Variants in UNG observed in about 807,000 individuals in gnomAD.
UNG encodes uracil DNA glycosylase, also known as uracil-DNA glycosylase.
Under a neutral mutation model 36.5 loss-of-function variants are expected in UNG, and 34 were observed. That is an observed-to-expected ratio of 0.93 (90% CI 0.71 to 1.24). The LOEUF is 1.24. Among genes scored for constraint, UNG ranks in the 50% most tolerant of loss-of-function variants. The pLI is 0.00. For missense variants in UNG, 391 were observed against 397.6 expected (o/e 0.98, Z 0.14); for synonymous variants, 172 against 157.8 (o/e 1.09, Z -0.67).
intron 6 of UNG, among the ~76,000 whole-genome samples, chr12:109,104,716 C>T (rs776932714): frequency 1.4e-4 from 21 of 151,626 alleles, no homozygotes; most frequent in Admixed American, 3.3e-4. Flanking sequence ...GGGAAGGAGA[C>T]GAGCCAGGGG....
At position 109,103,492 on chromosome 12, in the gene UNG, G is replaced by T; in HGVS notation, c.682G>T (p.Glu228Ter). 6.2e-7 allele frequency: 1 copy of T among 1,614,182 alleles called. No homozygotes were observed. The highest frequency in any genetic ancestry group is 1.1e-5 in the South Asian group (1 of 91,076). Residue 228 changes from glutamate (E) to a stop codon, truncating the protein, a stop_gained, in exon 6 of 7, where the codon GAG (glutamate) becomes TAG (stop). Transcript: ENST00000242576. LOFTEE classifies it high-confidence loss of function. ...VRAHQANSHK[E>*]RGWEQFTDAV... is the part of the protein sequence containing the mutation. ...TGCCCATCAAGCCAACTCTCATAAG[G>T]AGCGAGGCTGGGAGCAGTTCACTGA... is the stretch of plus-strand genomic sequence containing the variant.
Position 109,103,450 on chromosome 12 carries a change from G to T in UNG, c.640G>T (p.Ala214Ser). ...GTGTATAGGTGTTCTCCTTCTCAACGCTGTCCTCACGGTTCGTGCCCATCA... is the reference window on the plus strand; with the variant it reads ...GTGTATAGGTGTTCTCCTTCTCAACTCTGTCCTCACGGTTCGTGCCCATCA... ...WAKQGVLLLN[A>S]VLTVRAHQAN... is the part of the protein sequence containing the mutation. The change falls in exon 6 of 7, where the codon GCT becomes TCT. Residue 214 changes from alanine to serine, a missense_variant. Coordinates refer to ENST00000242576, the MANE Select transcript of UNG (RefSeq NM_080911.3). The T allele has an allele frequency of 6.2e-7, 1 of 1,614,078 alleles. No individual in the cohort carries two copies. The highest frequency in any genetic ancestry group is 8.5e-7 in the Non-Finnish European group (1 of 1,179,998).
intron 1 of UNG, 176 bp from the exon 2 acceptor site, chr12:109,098,256 A>C (rs1307591199): frequency 1.6e-5 from 25 of 1,515,986 alleles, no homozygotes; most frequent in Non-Finnish European, 2.2e-5. Flanking sequence ...TTTAGAACCT[A>C]ATTCCCAATT....
chr12:109,106,065 T>G (rs2042212951), intron 6 of UNG, among the ~76,000 whole-genome samples: 1 of 152,214 alleles, frequency 6.6e-6, no homozygotes. Context: ...GTCATTTTCT[T>G]CTGGGATTCT....
At chr12:109,107,518 CTTTTTT>C (rs34833015) in intron 6 of UNG, among the ~76,000 whole-genome samples, 4 of 89,436 alleles carry the variant, frequency 4.5e-5, no homozygotes, top group Admixed American at 1.3e-4. Flanking sequence ...GACTATTCCT[CTTTTTT>C]TTTTTTTTTT....
At position 109,098,470 on chromosome 12, in the gene UNG, G is replaced by A. The variant is rs1013317831; in HGVS notation, c.171G>A (p.Glu57=). ...PAKKAPAGQE[E]PGTPPSSPLS... is the part of the protein sequence containing the mutation. ...AGAAGGCCCCGGCTGGGCAGGAGGAGCCTGGGACGCCGCCCTCCTCGCCGC... is the reference window on the plus strand; with the variant it reads ...AGAAGGCCCCGGCTGGGCAGGAGGAACCTGGGACGCCGCCCTCCTCGCCGC... Residue 57 remains glutamate, a synonymous_variant, in exon 2 of 7, where the codon GAG becomes GAA. Transcript: ENST00000242576. The A allele has an allele frequency of 6.2e-7, 1 of 1,611,936 alleles. No homozygotes were observed.
In UNG at chr12:109,097,766, G is replaced by A. The variant is rs750472259; in HGVS notation, c.87G>A (p.Gln29=). 4.5e-6 allele frequency: 7 copies of A among 1,566,724 alleles called. No homozygotes were observed. The South Asian group carries it at 5.8e-5, about 13-fold the overall frequency. ...CCCCCAGCCCCGAGCCGGCCGTCCA[G>A]GGGACCGGCGTGGCTGGGGTGCCTG... ...RHAPSPEPAV[Q]GTGVAGVPEE... Residue 29 remains glutamine, a synonymous_variant, in exon 1 of 7, where the codon CAG becomes CAA. Transcript: ENST00000242576.
rs765329435 is a variant in UNG, at chr12:109,099,256, C to T, written c.407C>T (p.Thr136Ile). The T allele has an allele frequency of 3.7e-6, 6 of 1,613,972 alleles. No individual in the cohort carries two copies. In the South Asian group the frequency reaches 5.5e-5, roughly 15 times the overall value. The change falls in exon 3 of 7, where the codon ACC becomes ATC. Residue 136 changes from threonine (T) to isoleucine (I), a missense_variant. Physicochemically the swap from Thr to Ile is moderately conservative, Grantham distance 89. Coordinates refer to ENST00000242576, the MANE Select transcript of UNG (RefSeq NM_080911.3). ...TVYPPPHQVF[T>I]WTQMCDIKDV... is the part of the protein sequence containing the mutation. ...TATCCACCCCCACACCAAGTCTTCA[C>T]CTGGACCCAGATGTGTGACATAAAA...
intron 3 of UNG, among the ~76,000 whole-genome samples, chr12:109,100,066 C>T (rs979031144): frequency 6.8e-6 from 1 of 147,492 alleles, no homozygotes; most frequent in Non-Finnish European, 1.5e-5. Flanking sequence ...TGTCTCAAAA[C>T]AAAAAAAAAA....
rs1593318769 is a variant in UNG, at chr12:109,098,474, G to C, written c.175G>C (p.Gly59Arg). Reference sequence around the variant, plus strand: ...GGCCCCGGCTGGGCAGGAGGAGCCTGGGACGCCGCCCTCCTCGCCGCTGAG... The same window carrying C: ...GGCCCCGGCTGGGCAGGAGGAGCCTCGGACGCCGCCCTCCTCGCCGCTGAG... ...KKAPAGQEEP[G>R]TPPSSPLSAE... The change falls in exon 2 of 7, where the codon GGG becomes CGG. Residue 59 changes from glycine to arginine, a missense_variant. Transcript: ENST00000242576. 6.2e-7 allele frequency: 1 copy of C among 1,612,040 alleles called. No homozygotes were observed. Among genetic ancestry groups the C allele is most frequent in the Non-Finnish European group, 8.5e-7 (1 of 1,179,454 alleles).
intron 3 of UNG, among the ~76,000 whole-genome samples, chr12:109,101,354 T>C (rs2042175674): frequency 6.6e-6 from 1 of 151,754 alleles, no homozygotes; most frequent in Non-Finnish European, 1.5e-5. Flanking sequence ...CCTCCCAAAG[T>C]GCTGGGATTA....
At position 109,101,895 on chromosome 12, in the gene UNG, T is replaced by C. The variant is rs1451836941; in HGVS notation, c.436-7T>C. ...TTGTTTAATTCCTGACCCCTGGTGG[T>C]TCACAGGTGAAGGTTGTCATCCTGG... On this transcript the variant is annotated splice_region_variant and splice_polypyrimidine_tract_variant and intron_variant, in intron 3 of 6. Coordinates refer to ENST00000242576, the MANE Select transcript of UNG (RefSeq NM_080911.3). 2 of 1,613,244 alleles carry C rather than the reference T, an allele frequency of 1.2e-6. No homozygotes were observed. Among genetic ancestry groups the C allele is most frequent in the East Asian group, 2.2e-5 (1 of 44,868 alleles).
chr12:109,108,453 T>G (rs989853170), intron 6 of UNG, among the ~76,000 whole-genome samples: 1 of 152,068 alleles, frequency 6.6e-6, no homozygotes, highest in African/African-American at 2.4e-5. Flanking sequence ...GGCAACATAG[T>G]GAGACCTTGT....
chr12:109,102,947 ATTT>A lies in UNG; in HGVS notation c.622+40_622+42del, dbSNP rs386377711. 9,327 of 956,462 alleles carry A rather than the reference ATTT, an allele frequency of 9.8e-3. No individual in the cohort carries two copies. Among genetic ancestry groups the A allele is most frequent in the Middle Eastern group, 0.015 (46 of 3,064 alleles). 59.2% of individuals were successfully genotyped at this position (956,462 alleles called of 1,614,324 possible). A position where few individuals can be genotyped will look rare whatever the true frequency, so the allele number is the denominator to read the frequency against. On this transcript the variant is annotated intron_variant, in intron 5 of 6. Coordinates refer to ENST00000242576, the MANE Select transcript of UNG (RefSeq NM_080911.3). ...AGCAAGGTAAGCCAGCGACTGCTAGATTTTTTTTTTTTTTTTTTTTTTGAGACC... is the reference window on the plus strand; with the variant it reads ...AGCAAGGTAAGCCAGCGACTGCTAGATTTTTTTTTTTTTTTTTTTGAGACC...
chr12:109,108,605 C>T (rs376769453), intron 6 of UNG, among the ~76,000 whole-genome samples: 9 of 152,112 alleles, frequency 5.9e-5, no homozygotes, highest in African/African-American at 2.2e-4. Context: ...ACACTCTAGC[C>T]TGGGTGACAG....
At chr12:109,100,843 G>T (rs558646450) in intron 3 of UNG, among the ~76,000 whole-genome samples, 1 of 152,332 alleles carries the variant, frequency 6.6e-6, no homozygotes, top group African/African-American at 2.4e-5. Flanking sequence ...GAAAGATAGA[G>T]TATGTCAGCT....
Position 109,102,933 on chromosome 12 carries a change from C to A in UNG, c.622+6C>A. On this transcript the variant is annotated splice_donor_region_variant and intron_variant, in intron 5 of 6. Transcript: ENST00000242576. ...ATCTGGGTGGGCCAAGCAAGGTAAG[C>A]CAGCGACTGCTAGATTTTTTTTTTT... is the stretch of plus-strand genomic sequence containing the variant. 3.2e-6 allele frequency: 5 copies of A among 1,576,942 alleles called. No individual in the cohort carries two copies. Among genetic ancestry groups the A allele is most frequent in the Non-Finnish European group, 4.4e-6 (5 of 1,149,002 alleles).
chr12:109,106,140 G>T (rs879693512), intron 6 of UNG, among the ~76,000 whole-genome samples: 1 of 152,190 alleles, frequency 6.6e-6, no homozygotes, highest in Admixed American at 6.5e-5. Context: ...TCAGCATTTG[G>T]TGTGCATGAC....
chr12:109,099,618 T>TTG (rs1555264750), intron 3 of UNG, among the ~76,000 whole-genome samples: 1 of 152,018 alleles, frequency 6.6e-6, no homozygotes, highest in Non-Finnish European at 1.5e-5. Context: ...TTGCAGCTTG[T>TTG]TATAGTCAAC....
Sources: gnomAD v4.1 joint callset for allele counts (sites outside exome capture counted in the v4.1 genomes callset) on GRCh38, gnomAD v4.1.1 for gene constraint, MANE v1.5 for transcripts, NCBI Gene and HGNC (gene_info 2026-07-23, HGNC 2026-07-21) for gene names.